Variants in STIM2 observed in about 807,000 individuals in gnomAD.
The protein encoded by STIM2 is stromal interaction molecule 2.
Under a neutral mutation model 85.8 loss-of-function variants are expected in STIM2, and 31 were observed. That is an observed-to-expected ratio of 0.36 (90% CI 0.27 to 0.49). STIM2 has a LOEUF of 0.49. Ranked by LOEUF, STIM2 falls within the 20% of genes least tolerant of loss-of-function variation. The pLI is 0.98. For missense variants in STIM2, 841 were observed against 927.6 expected, an observed-to-expected ratio of 0.91 and a Z score of 1.21; for synonymous variants, 356 against 331.1, an observed-to-expected ratio of 1.08 and a Z score of -0.82.
At chr4:26,875,956 C>T (rs1349604623) in intron 1 of STIM2, among the ~76,000 whole-genome samples, 4 of 152,110 alleles carry the variant, frequency 2.6e-5, no homozygotes, top group African/African-American at 4.8e-5. Flanking sequence ...TTCAGTGTTT[C>T]CTTCTGTAGC....
In STIM2 at chr4:26,861,231, G is replaced by T. The variant is rs992266576; in HGVS notation, c.13G>T (p.Gly5Trp). ...GCGCTGGGCTGCGTTGCTGGTGCTC[G>T]GGCTGCTGGTAGCCGGAGCGGCGGA... The change falls in exon 1 of 12, where the codon GGG becomes TGG. Residue 5 changes from glycine to tryptophan, a missense_variant. This residue lies in a region of STIM2 where 140 missense variants were observed against 117.7 expected (regional missense o/e 1.19). Coordinates refer to ENST00000467087, the MANE Select transcript of STIM2 (RefSeq NM_020860.4). 12 of 1,493,802 alleles carry T rather than the reference G, an allele frequency of 8.0e-6. No homozygotes were observed. Among genetic ancestry groups the T allele is most frequent in the Non-Finnish European group, 9.7e-6 (11 of 1,128,954 alleles). The allele number at this position is 1,493,802 out of a possible 1,614,324, so 92.5% of individuals were successfully genotyped here.
chr4:26,997,181 A>T (rs1219635462), intron 4 of STIM2, among the ~76,000 whole-genome samples: 1 of 152,160 alleles, frequency 6.6e-6, no homozygotes, highest in Non-Finnish European at 1.5e-5. Flanking sequence ...TTCAATTATT[A>T]TGTAAGTTCC....
chr4:26,917,251 TC>T (rs1724617797), intron 1 of STIM2, among the ~76,000 whole-genome samples: 1 of 152,200 alleles, frequency 6.6e-6, no homozygotes, highest in African/African-American at 2.4e-5. Flanking sequence ...TATCTGCTTT[TC>T]ACTTTCCCCT....
chr4:26,900,843 G>C (rs1049849535), intron 1 of STIM2, among the ~76,000 whole-genome samples: 1 of 152,128 alleles, frequency 6.6e-6, no homozygotes, highest in East Asian at 1.9e-4. Flanking sequence ...TTATCCCCTG[G>C]AAGGGGACTT....
chr4:27,004,010 A>C (rs931108557), intron 7 of STIM2, among the ~76,000 whole-genome samples: 1 of 152,234 alleles, frequency 6.6e-6, no homozygotes, highest in Non-Finnish European at 1.5e-5. Flanking sequence ...GAGGTGACTC[A>C]GTTATAAAGC....
chr4:26,882,582 C>G (rs1723053811), intron 1 of STIM2, among the ~76,000 whole-genome samples: 1 of 151,840 alleles, frequency 6.6e-6, no homozygotes, highest in Non-Finnish European at 1.5e-5. Context: ...CTCAGTCTCC[C>G]TAGTAGCTGG....
chr4:27,017,783 C>T lies in STIM2; in HGVS notation c.1562C>T (p.Pro521Leu), dbSNP rs761253528. ...TGCCGTTCACGCCGCAGCATTGTGC[C>T]GTCCTCGCCTCAGCCTCAGCGAGCT... The change falls in exon 11 of 12, where the codon CCG (proline) becomes CTG (leucine). Residue 521 changes from proline to leucine, a missense_variant. Coordinates refer to ENST00000467087, the MANE Select transcript of STIM2 (RefSeq NM_020860.4). The T allele has an allele frequency of 2.9e-5, 47 of 1,613,982 alleles. No homozygotes were observed. The highest frequency in any genetic ancestry group is 4.5e-5 in the East Asian group (2 of 44,882).
chr4:26,936,057 T>C (rs1346467048), intron 2 of STIM2, among the ~76,000 whole-genome samples: 1 of 152,176 alleles, frequency 6.6e-6, no homozygotes, highest in Non-Finnish European at 1.5e-5. Flanking sequence ...CTTTTTTATG[T>C]GGGGGAGGAT....
intron 3 of STIM2, among the ~76,000 whole-genome samples, chr4:26,969,350 C>T (rs1726844503): frequency 5.9e-5 from 9 of 152,082 alleles, no homozygotes; most frequent in Admixed American, 5.9e-4. Flanking sequence ...TTTAAATTGG[C>T]TTATGCATTT....
At chr4:27,020,889 C>G in intron 11 of STIM2, 1 of 941,150 alleles carries the variant, frequency 1.1e-6, no homozygotes, top group South Asian at 1.5e-5. Flanking sequence ...GTGCTCTTGC[C>G]TTTCTGTTCT....
chr4:27,019,380 C>T (rs1011020273), intron 11 of STIM2: 8 of 1,270,866 alleles, frequency 6.3e-6, no homozygotes, highest in Admixed American at 2.3e-5. Flanking sequence ...TTATGACTAG[C>T]TTTTCGTCTG....
chr4:26,914,558 G>T (rs1415007448), intron 1 of STIM2, among the ~76,000 whole-genome samples: 1 of 152,076 alleles, frequency 6.6e-6, no homozygotes, highest in Non-Finnish European at 1.5e-5. Context: ...TGTGTACCCA[G>T]CTTCTAACCT....
At position 26,885,821 on chromosome 4, in the gene STIM2, T is replaced by TTA. The variant is rs56851120; in HGVS notation, c.151+24504_151+24505dup. The stretch of plus-strand genomic sequence containing the variant: ...ATGAAGCCAAATTTAGCACCTCAGG[T>TTA]TATATATATATATATATATATATAT... On this transcript the variant is annotated intron_variant, in intron 1 of 11. Coordinates refer to ENST00000467087, the MANE Select transcript of STIM2 (RefSeq NM_020860.4). Among the ~76,000 whole-genome samples, 598 of 83,804 alleles carry TTA rather than the reference T, an allele frequency of 7.1e-3. 17 individuals are homozygous for TTA. Among genetic ancestry groups the TTA allele is most frequent in the Non-Finnish European group, 0.011 (391 of 37,056 alleles). The allele number at this position is 83,804 out of a possible 152,430, so 55.0% of individuals were successfully genotyped here. A position where few individuals can be genotyped will look rare whatever the true frequency, so the allele number is the denominator to read the frequency against.
At chr4:26,921,285 G>A (rs1724788280) in intron 2 of STIM2, among the ~76,000 whole-genome samples, 1 of 152,214 alleles carries the variant, frequency 6.6e-6, no homozygotes, top group African/African-American at 2.4e-5. Context: ...GCATGATTCT[G>A]TGGACACATT....
chr4:26,988,020 G>A lies in STIM2; in HGVS notation c.398-7359G>A, dbSNP rs530412876. On this transcript the variant is annotated intron_variant, in intron 3 of 11. Transcript: ENST00000467087. ...TGATCACTTGGCCTCTCTTGGCCTA[G>A]GTTGTTTGTATAGAATGTAGAGATA... Among the ~76,000 whole-genome samples the A allele has an allele frequency of 2.6e-5, 4 of 152,302 alleles. No homozygotes were observed. The South Asian group carries it at 8.3e-4, about 32-fold the overall frequency.
At chr4:26,922,331 C>T (rs1160378593) in intron 2 of STIM2, among the ~76,000 whole-genome samples, 1 of 152,014 alleles carries the variant, frequency 6.6e-6, no homozygotes, top group Non-Finnish European at 1.5e-5. Context: ...TAGTCATTTA[C>T]AATATGACAG....
chr4:27,009,297 CATT>C (rs1360638565), intron 10 of STIM2, among the ~76,000 whole-genome samples: 2 of 152,030 alleles, frequency 1.3e-5, no homozygotes, highest in African/African-American at 2.4e-5. Flanking sequence ...TTATATATAA[CATT>C]ATATTGTTGA....
At chr4:26,962,337 C>T (rs760324347) in intron 3 of STIM2, among the ~76,000 whole-genome samples, 37 of 152,050 alleles carry the variant, frequency 2.4e-4, no homozygotes, top group Non-Finnish European at 1.0e-4. Context: ...CTAAAAAGTT[C>T]GGCCATATTC....
chr4:26,934,051 G>T (rs1037821877), intron 2 of STIM2, among the ~76,000 whole-genome samples: 1 of 151,830 alleles, frequency 6.6e-6, no homozygotes, highest in Non-Finnish European at 1.5e-5. Context: ...AAAATTAGCC[G>T]GGCGTGGTGG....
Sources: allele counts gnomAD v4.1 joint callset (sites outside exome capture counted in the v4.1 genomes callset), GRCh38; gene constraint gnomAD v4.1.1; regional missense constraint gnomAD v4.1.1; transcripts MANE v1.5; gene names NCBI Gene and HGNC (gene_info 2026-07-23, HGNC 2026-07-21).